DSCAML1: variants seen among roughly 807,000 people sequenced by gnomAD.
DSCAML1 encodes cell adhesion molecule DSCAML1.
DSCAML1 carries 38 observed loss-of-function variants against 200.5 expected under a neutral mutation model. The observed-to-expected ratio is 0.19, with a 90% confidence interval of 0.15 to 0.25. The LOEUF is 0.25. DSCAML1 is among the 10% of genes least tolerant of loss of function. The pLI is 1.00. For missense variants in DSCAML1, 2,223 were observed against 2,858.8 expected, an observed-to-expected ratio of 0.78 and a Z score of 5.07; for synonymous variants, 1,215 against 1,165.0, an observed-to-expected ratio of 1.04 and a Z score of -0.87.
intron 5 of DSCAML1, among the ~76,000 whole-genome samples, chr11:117,521,942 C>G (rs1238074644): frequency 6.6e-6 from 1 of 152,224 alleles, no homozygotes; most frequent in East Asian, 1.9e-4. Flanking sequence ...TGCCTCCCCC[C>G]AGCTGTCCTC....
chr11:117,627,851 T>C (rs2052086876), intron 3 of DSCAML1, among the ~76,000 whole-genome samples: 1 of 152,040 alleles, frequency 6.6e-6, no homozygotes, highest in Admixed American at 6.5e-5. Flanking sequence ...ATTAGGCTCC[T>C]CATGTTCCCC....
At chr11:117,683,596 C>G (rs149994365) in intron 3 of DSCAML1, among the ~76,000 whole-genome samples, 3 of 152,170 alleles carry the variant, frequency 2.0e-5, no homozygotes, top group African/African-American at 4.8e-5. Flanking sequence ...ATAAAAGAGG[C>G]CTTCTGCTTC....
intron 3 of DSCAML1, among the ~76,000 whole-genome samples, chr11:117,760,796 T>C (rs992930928): frequency 1.3e-5 from 2 of 152,218 alleles, no homozygotes; most frequent in East Asian, 3.8e-4. Flanking sequence ...TGCAGGCACA[T>C]GGGCACAGTT....
At chr11:117,448,515 G>C (rs2137111736) in intron 20 of DSCAML1, among the ~76,000 whole-genome samples, 1 of 152,226 alleles carries the variant, frequency 6.6e-6, no homozygotes, top group South Asian at 2.1e-4. Context: ...TGTCTGACGG[G>C]AGTGAGGAAC....
At chr11:117,790,884 C>T (rs1015350736) in intron 1 of DSCAML1, among the ~76,000 whole-genome samples, 3 of 152,210 alleles carry the variant, frequency 2.0e-5, no homozygotes, top group Admixed American at 6.5e-5. Flanking sequence ...CACACATGCA[C>T]GTGCAAACAC....
chr11:117,642,141 C>T lies in DSCAML1; in HGVS notation c.512-109619G>A, dbSNP rs890849832. On this transcript the variant is annotated intron_variant, in intron 3 of 32. Coordinates refer to ENST00000651296, the MANE Select transcript of DSCAML1 (RefSeq NM_020693.4). The surrounding 1 kb of genome is among the most constrained non-coding windows in gnomAD (Gnocchi z 4.1). ...CGAATTATTTCTGGTTTGTAATCCC[C>T]AACCCCAACCACACTGGATCATAAA... Among the ~76,000 whole-genome samples the T allele has an allele frequency of 1.3e-5, 2 of 152,174 alleles. No homozygotes were observed. Among genetic ancestry groups the T allele is most frequent in the Non-Finnish European group, 2.9e-5 (2 of 68,040 alleles).
chr11:117,650,492 C>T (rs2052608027), intron 3 of DSCAML1, among the ~76,000 whole-genome samples: 1 of 152,102 alleles, frequency 6.6e-6, no homozygotes. Flanking sequence ...AGCTCTTTTC[C>T]AGGACAATTA....
At chr11:117,651,309 G>T (rs1275937350) in intron 3 of DSCAML1, among the ~76,000 whole-genome samples, 1 of 152,210 alleles carries the variant, frequency 6.6e-6, no homozygotes. Flanking sequence ...ACTTTGTCCA[G>T]TGGCCCCAGC....
chr11:117,577,474 C>CTTCCTTCCTTCCTTCCT (rs2050958759), intron 3 of DSCAML1, among the ~76,000 whole-genome samples: 1 of 23,594 alleles, frequency 4.2e-5, no homozygotes, highest in African/African-American at 1.3e-4. Flanking sequence ...TCCTTCCTTC[C>CTTCCTTCCTTCCTTCCT]TTCCTTCCTT....
At chr11:117,656,927 G>A (rs2052747535) in intron 3 of DSCAML1, among the ~76,000 whole-genome samples, 1 of 152,224 alleles carries the variant, frequency 6.6e-6, no homozygotes, top group South Asian at 2.1e-4. Flanking sequence ...GTCATTGACT[G>A]CTTAAATGGA....
intron 3 of DSCAML1, among the ~76,000 whole-genome samples, chr11:117,671,957 C>T (rs1340874958): frequency 2.0e-5 from 3 of 151,988 alleles, no homozygotes; most frequent in Admixed American, 6.5e-5. Flanking sequence ...AAAAATTAGC[C>T]GGGCGCGGTG....
At chr11:117,760,109 A>G (rs1218151080) in intron 3 of DSCAML1, among the ~76,000 whole-genome samples, 1 of 152,200 alleles carries the variant, frequency 6.6e-6, no homozygotes, top group African/African-American at 2.4e-5. Flanking sequence ...AGATTATCAT[A>G]GTGGGATGCG....
At chr11:117,655,761 C>A (rs562396084) in intron 3 of DSCAML1, among the ~76,000 whole-genome samples, 11 of 152,280 alleles carry the variant, frequency 7.2e-5, no homozygotes, top group African/African-American at 2.6e-4. Context: ...GATGGAGATG[C>A]TGGGGAGAAA....
At chr11:117,747,842 G>T (rs1372113427) in intron 3 of DSCAML1, among the ~76,000 whole-genome samples, 3 of 152,166 alleles carry the variant, frequency 2.0e-5, no homozygotes, top group Admixed American at 6.5e-5. Flanking sequence ...GAGGGTCCAG[G>T]GGAACCTAAA....
At chr11:117,445,075 CAT>C (rs147218580) in intron 20 of DSCAML1, among the ~76,000 whole-genome samples, 2,013 of 152,280 alleles carry the variant, frequency 0.013, 40 homozygotes, top group South Asian at 0.016. Context: ...AGCACACACA[CAT>C]GTAGACGCAT....
intron 3 of DSCAML1, among the ~76,000 whole-genome samples, chr11:117,617,126 A>G (rs978292182): frequency 2.0e-5 from 3 of 152,218 alleles, no homozygotes; most frequent in African/African-American, 7.2e-5. Context: ...TTTGCAGAGA[A>G]GAAGATGGGG....
rs12292435 is a variant in DSCAML1, at chr11:117,750,523, G to A, written c.511+26268C>T. On this transcript the variant is annotated intron_variant, in intron 3 of 32. Transcript: ENST00000651296. ...GAAGGATAAACAACACCCAGTGAAC[G>A]TGGATGAAATGTCTCCCGGGCGTGT... 1.9e-3 allele frequency among the ~76,000 whole-genome samples: 294 copies of A among 152,314 alleles called. 1 individual carries two copies. The highest frequency in any genetic ancestry group is 6.7e-3 in the African/African-American group (279 of 41,564).
chr11:117,678,106 G>A (rs1162105336), intron 3 of DSCAML1, among the ~76,000 whole-genome samples: 1 of 152,244 alleles, frequency 6.6e-6, no homozygotes, highest in Non-Finnish European at 1.5e-5. Context: ...CCATGAGAGA[G>A]AGGGCGGCTG....
At chr11:117,474,727 G>A (rs2048753146) in intron 14 of DSCAML1, among the ~76,000 whole-genome samples, 1 of 151,094 alleles carries the variant, frequency 6.6e-6, no homozygotes, top group Non-Finnish European at 1.5e-5. Context: ...AAGTGGGATA[G>A]CTTTTGTGTT....
Sources: allele counts gnomAD v4.1 joint callset (sites outside exome capture counted in the v4.1 genomes callset), GRCh38; gene constraint gnomAD v4.1.1; non-coding constraint Gnocchi (gnomAD v3.1); transcripts MANE v1.5; gene names NCBI Gene and HGNC (gene_info 2026-07-23, HGNC 2026-07-21).